Variants in EVI5 observed in about 807,000 individuals in gnomAD.
The protein encoded by EVI5 is ecotropic viral integration site 5 protein homolog.
A neutral mutation model predicts 112.0 loss-of-function variants in EVI5; 73 were observed. The ratio of observed to expected loss-of-function variants is 0.65; its 90% CI spans 0.54 to 0.79. EVI5 has a LOEUF of 0.79. Ranked by LOEUF, EVI5 falls within the 30% of genes least tolerant of loss-of-function variation. EVI5 has a pLI of 0.00. For missense variants in EVI5, 900 were observed against 968.8 expected (o/e 0.93, Z 0.94); for synonymous variants, 305 against 319.9 (o/e 0.95, Z 0.50).
intron 19 of EVI5, among the ~76,000 whole-genome samples, chr1:92,561,011 A>G (rs1015121082): frequency 2.6e-5 from 4 of 152,064 alleles, no homozygotes; most frequent in Non-Finnish European, 5.9e-5. Context: ...ATTTAATCTT[A>G]GTATCAGGAA....
intron 2 of EVI5, among the ~76,000 whole-genome samples, chr1:92,710,027 C>A (rs1044622375): frequency 1.1e-4 from 16 of 146,834 alleles, no homozygotes; most frequent in Non-Finnish European, 2.4e-4. Flanking sequence ...AACTTTTTCA[C>A]ATATTTTCCT....
chr1:92,718,463 A>G (rs553118803), intron 2 of EVI5, among the ~76,000 whole-genome samples: 1 of 152,336 alleles, frequency 6.6e-6, no homozygotes, highest in Admixed American at 6.5e-5. Flanking sequence ...AACAAAATGA[A>G]GGCAGAAATA....
At chr1:92,690,613 G>A (rs1669334933) in intron 9 of EVI5, among the ~76,000 whole-genome samples, 1 of 152,066 alleles carries the variant, frequency 6.6e-6, no homozygotes, top group African/African-American at 2.4e-5. Flanking sequence ...GCCTCCCAAA[G>A]TACTGGGATT....
At chr1:92,651,987 A>G (rs1457594885) in intron 13 of EVI5, among the ~76,000 whole-genome samples, 2 of 152,194 alleles carry the variant, frequency 1.3e-5, no homozygotes, top group Admixed American at 6.5e-5. Context: ...CAGCAACTCT[A>G]CTTCTAGGTA....
At chr1:92,549,229 C>CA (rs1303121820) in intron 19 of EVI5, among the ~76,000 whole-genome samples, 1 of 152,060 alleles carries the variant, frequency 6.6e-6, no homozygotes, top group East Asian at 1.9e-4. Context: ...ACAAACTTGA[C>CA]AAAAACAAGA....
chr1:92,602,558 T>G (rs1403508716), intron 18 of EVI5, among the ~76,000 whole-genome samples: 1 of 152,138 alleles, frequency 6.6e-6, no homozygotes, highest in Non-Finnish European at 1.5e-5. Flanking sequence ...TGTACTATCA[T>G]GCCCTCAGCT....
chr1:92,730,883 T>C (rs1676355539), intron 2 of EVI5, among the ~76,000 whole-genome samples: 1 of 152,092 alleles, frequency 6.6e-6, no homozygotes, highest in African/African-American at 2.4e-5. Flanking sequence ...GGCATCCAGA[T>C]TGGAAAGAAG....
intron 1 of EVI5, among the ~76,000 whole-genome samples, chr1:92,759,914 G>C (rs1681561602): frequency 6.8e-6 from 1 of 146,244 alleles, no homozygotes; most frequent in African/African-American, 2.5e-5. Flanking sequence ...GAACATTTGG[G>C]TTATTTCCAC....
At chr1:92,662,004 T>G (rs1664097371) in intron 13 of EVI5, among the ~76,000 whole-genome samples, 1 of 151,936 alleles carries the variant, frequency 6.6e-6, no homozygotes, top group Admixed American at 6.6e-5. Flanking sequence ...AAGATCGCCC[T>G]TGTCTGAATT....
At position 92,513,651 on chromosome 1, in the gene EVI5, G is replaced by A. The variant is rs199710333; in HGVS notation, c.*5C>T. ...ATAAATCCATAGTCTAGGTCACAGT[G>A]ATGGTCAGACAGTGGTTGAATACGA... is the stretch of plus-strand genomic sequence containing the variant. On this transcript the variant is annotated 3_prime_UTR_variant, in exon 20 of 20. Coordinates refer to ENST00000684568, the MANE Select transcript of EVI5 (RefSeq NM_001350197.2). 7 of 1,584,822 alleles carry A rather than the reference G, an allele frequency of 4.4e-6. No homozygotes were observed. The African/African-American group carries it at 8.2e-5, about 19-fold the overall frequency.
chr1:92,649,929 T>A (rs1260442074), intron 13 of EVI5, among the ~76,000 whole-genome samples: 1 of 152,252 alleles, frequency 6.6e-6, no homozygotes, highest in Non-Finnish European at 1.5e-5. Context: ...GCATCATTTG[T>A]TGAAGAGACT....
chr1:92,767,460 A>G (rs573968434), intron 1 of EVI5, among the ~76,000 whole-genome samples: 1 of 152,354 alleles, frequency 6.6e-6, no homozygotes, highest in South Asian at 2.1e-4. Flanking sequence ...CTTGGAATGT[A>G]TCTCCCGAGG....
intron 2 of EVI5, among the ~76,000 whole-genome samples, chr1:92,719,632 G>A (rs533653340): frequency 5.3e-5 from 8 of 152,026 alleles, no homozygotes; most frequent in Non-Finnish European, 8.8e-5. Context: ...TTTGAAAACC[G>A]GCACAAGACA....
At chr1:92,673,293 G>GA (rs1303171843) in intron 10 of EVI5, among the ~76,000 whole-genome samples, 1 of 148,992 alleles carries the variant, frequency 6.7e-6, no homozygotes, top group African/African-American at 2.5e-5. Flanking sequence ...TTTTAAACAG[G>GA]AAAAAATACT....
At chr1:92,678,391 T>G (rs1667080409) in intron 9 of EVI5, among the ~76,000 whole-genome samples, 1 of 151,720 alleles carries the variant, frequency 6.6e-6, no homozygotes, top group South Asian at 2.1e-4. Flanking sequence ...ATTAGCCAGG[T>G]GCGGTGGGTG....
intron 16 of EVI5, among the ~76,000 whole-genome samples, chr1:92,620,216 T>G (rs1042504169): frequency 5.3e-5 from 8 of 152,064 alleles, no homozygotes; most frequent in African/African-American, 1.9e-4. Context: ...TGGTGGCACA[T>G]GCCTGTAATC....
At chr1:92,697,106 C>T (rs1670448971) in intron 6 of EVI5, among the ~76,000 whole-genome samples, 1 of 151,884 alleles carries the variant, frequency 6.6e-6, no homozygotes, top group South Asian at 2.1e-4. Flanking sequence ...CTTGCTCCCA[C>T]CACAGATGGG....
chr1:92,582,408 A>G (rs1049197093), intron 18 of EVI5, among the ~76,000 whole-genome samples: 3 of 152,222 alleles, frequency 2.0e-5, no homozygotes, highest in African/African-American at 7.2e-5. Flanking sequence ...TGAGGGGCCT[A>G]CTTTACAAAG....
At chr1:92,631,330 T>C (rs961818931) in intron 14 of EVI5, among the ~76,000 whole-genome samples, 2 of 152,218 alleles carry the variant, frequency 1.3e-5, no homozygotes, top group African/African-American at 4.8e-5. Flanking sequence ...TGTTATTCCA[T>C]CTCTTTGTAT....
Sources: gnomAD v4.1 joint callset for allele counts (sites outside exome capture counted in the v4.1 genomes callset) on GRCh38, gnomAD v4.1.1 for gene constraint, MANE v1.5 for transcripts, NCBI Gene and HGNC (gene_info 2026-07-23, HGNC 2026-07-21) for gene names.